Variants in CEP135 observed in about 807,000 individuals in gnomAD.
CEP135 encodes the protein centrosomal protein of 135 kDa.
CEP135 carries 142 observed loss-of-function variants against 157.3 expected under a neutral mutation model. The observed-to-expected ratio is 0.90, with a 90% CI of 0.79 to 1.04. The LOEUF (loss-of-function observed/expected upper bound fraction) is 1.04. Ranked by LOEUF, CEP135 falls within the 50% of genes least tolerant of loss-of-function variation. The pLI is 0.00. For synonymous variants in CEP135, 396 were observed against 439.8 expected (o/e 0.90, Z 1.25); for missense variants, 1,317 against 1,309.2 (o/e 1.01, Z -0.09).
At chr4:55,949,661 C>T (rs1337815288) in intron 1 of CEP135, among the ~76,000 whole-genome samples, 2 of 152,216 alleles carry the variant, frequency 1.3e-5, no homozygotes, top group Non-Finnish European at 2.9e-5. Flanking sequence ...GAGACGCCAA[C>T]CCCCAGAGTT....
chr4:55,959,102 A>G (rs1347385486), intron 5 of CEP135, among the ~76,000 whole-genome samples: 6 of 152,294 alleles, frequency 3.9e-5, no homozygotes, highest in Admixed American at 3.9e-4. Context: ...AAAAAAAAGC[A>G]GACCTGGCTT....
At chr4:56,023,140 G>A (rs1731022465) in intron 24 of CEP135, among the ~76,000 whole-genome samples, 2 of 152,098 alleles carry the variant, frequency 1.3e-5, no homozygotes, top group Non-Finnish European at 2.9e-5. Context: ...GGATGAGGCG[G>A]GAGGATCGCT....
At chr4:56,020,091 G>T (rs1048748029) in intron 23 of CEP135, among the ~76,000 whole-genome samples, 2 of 152,134 alleles carry the variant, frequency 1.3e-5, no homozygotes, top group African/African-American at 2.4e-5. Context: ...TTAGGAAAGC[G>T]CCTACAGTTG....
chr4:56,003,448 T>G (rs1031872259), intron 17 of CEP135, among the ~76,000 whole-genome samples: 1 of 152,178 alleles, frequency 6.6e-6, no homozygotes, highest in Non-Finnish European at 1.5e-5. Flanking sequence ...GACCTACTGA[T>G]CCGCCCGCCT....
At chr4:55,979,992 C>T in intron 11 of CEP135, 151 bp from the exon 12 acceptor site, 1 of 661,098 alleles carries the variant, frequency 1.5e-6, no homozygotes, top group South Asian at 2.0e-5. Flanking sequence ...CATCTGCTCT[C>T]ATCATAGATT....
At chr4:55,949,260 G>C (rs1463078121) in intron 1 of CEP135, among the ~76,000 whole-genome samples, 1 of 140,766 alleles carries the variant, frequency 7.1e-6, no homozygotes, top group East Asian at 2.5e-4. Flanking sequence ...CCCCCTTCCC[G>C]TCAACACCCG....
intron 1 of CEP135, among the ~76,000 whole-genome samples, chr4:55,949,316 C>A (rs932755121): frequency 6.6e-6 from 1 of 152,136 alleles, no homozygotes; most frequent in South Asian, 2.1e-4. Flanking sequence ...GAGCTTGGGC[C>A]GACTCGTCAA....
chr4:55,999,290 T>C lies in CEP135; in HGVS notation c.2010-12T>C. On this transcript the variant is annotated splice_polypyrimidine_tract_variant and intron_variant, in intron 15 of 25. Coordinates refer to ENST00000257287, the MANE Select transcript of CEP135 (RefSeq NM_025009.5). ...AAAGAATACCATTTGTTTTTGTCCA[T>C]TGATTCTTTAGGATAGTGAATGAGC... The C allele has an allele frequency of 6.3e-7, 1 of 1,590,882 alleles. No homozygotes were observed. Among genetic ancestry groups the C allele is most frequent in the Non-Finnish European group, 8.6e-7 (1 of 1,165,070 alleles).
At chr4:56,012,935 A>G (rs1281644480) in intron 21 of CEP135, among the ~76,000 whole-genome samples, 1 of 152,004 alleles carries the variant, frequency 6.6e-6, no homozygotes, top group East Asian at 1.9e-4. Context: ...GGATCATATG[A>G]TAATTCTGTG....
intron 13 of CEP135, 27 bp from the exon 14 acceptor site, chr4:55,985,254 A>T (rs1729538300): frequency 7.5e-7 from 1 of 1,328,142 alleles, no homozygotes; most frequent in Non-Finnish European, 1.1e-6. Flanking sequence ...GATACAAATG[A>T]ACATTTTCTT....
intron 14 of CEP135, among the ~76,000 whole-genome samples, chr4:55,989,284 C>T (rs1342292507): frequency 1.3e-5 from 2 of 152,130 alleles, no homozygotes; most frequent in Non-Finnish European, 2.9e-5. Context: ...TAATATCAGT[C>T]ATTTATATAG....
At chr4:55,994,394 A>C (rs1237662556) in intron 15 of CEP135, among the ~76,000 whole-genome samples, 1 of 152,162 alleles carries the variant, frequency 6.6e-6, no homozygotes, top group South Asian at 2.1e-4. Context: ...AAAAAATACA[A>C]AAGTCAACCA....
chr4:55,998,961 T>A (rs1730067536), intron 15 of CEP135, among the ~76,000 whole-genome samples: 1 of 152,172 alleles, frequency 6.6e-6, no homozygotes. Flanking sequence ...GGATTTTTCC[T>A]TTGCCTCCAC....
At chr4:55,955,357 A>G (rs926232927) in intron 4 of CEP135, among the ~76,000 whole-genome samples, 1 of 152,212 alleles carries the variant, frequency 6.6e-6, no homozygotes, top group Non-Finnish European at 1.5e-5. Flanking sequence ...AAGCCAGCAG[A>G]GTTCTGAGTG....
chr4:55,981,092 T>C, intron 12 of CEP135, 135 bp from the exon 13 acceptor site: 1 of 739,562 alleles, frequency 1.4e-6, no homozygotes, highest in South Asian at 2.4e-5. Context: ...TTTAATCTTT[T>C]GTTGGGATTT....
chr4:55,970,829 G>A (rs976568768), intron 9 of CEP135, among the ~76,000 whole-genome samples: 13 of 152,146 alleles, frequency 8.5e-5, no homozygotes, highest in African/African-American at 3.1e-4. Context: ...ATTCATCCTC[G>A]CCAGTAAATC....
intron 4 of CEP135, among the ~76,000 whole-genome samples, chr4:55,954,722 G>T (rs768870999): frequency 6.6e-6 from 1 of 151,740 alleles, no homozygotes; most frequent in Non-Finnish European, 1.5e-5. Flanking sequence ...AAAGAATTTG[G>T]AAATTATGTA....
At chr4:55,956,616 CT>C (rs1223659394) in intron 4 of CEP135, among the ~76,000 whole-genome samples, 50 of 146,472 alleles carry the variant, frequency 3.4e-4, no homozygotes, top group Admixed American at 4.1e-4. Flanking sequence ...GCACATTCAG[CT>C]TTTTTTTTTT....
intron 9 of CEP135, among the ~76,000 whole-genome samples, chr4:55,971,041 A>G (rs993798089): frequency 4.6e-5 from 7 of 152,126 alleles, no homozygotes; most frequent in African/African-American, 1.7e-4. Flanking sequence ...TAAACTAACT[A>G]GAAGAAAATA....
Sources: allele counts gnomAD v4.1 joint callset (sites outside exome capture counted in the v4.1 genomes callset), GRCh38; gene constraint gnomAD v4.1.1; transcripts MANE v1.5; gene names NCBI Gene and HGNC (gene_info 2026-07-23, HGNC 2026-07-21).